Variants in FBRSL1 observed in about 807,000 individuals in gnomAD.
FBRSL1 encodes fibrosin-1-like protein.
In FBRSL1, 51 loss-of-function variants were observed where a neutral mutation model predicts 89.6. The observed-to-expected ratio is 0.57, with a 90% confidence interval of 0.45 to 0.72. The LOEUF (loss-of-function observed/expected upper bound fraction) is 0.72. Among genes scored for constraint, FBRSL1 ranks in the 30% least tolerant of loss-of-function variants. The probability of loss-of-function intolerance (pLI) is 0.00; values close to 1 mark genes in which losing one functional copy is unlikely to be tolerated. For synonymous variants in FBRSL1, 779 were observed against 681.1 expected (o/e 1.14, Z -2.24); for missense variants, 1,618 against 1,451.8 (o/e 1.11, Z -1.86).
intron 5 of FBRSL1, chr12:132,552,123 C>A (rs1366334850): frequency 1.6e-5 from 3 of 185,994 alleles, no homozygotes; most frequent in Non-Finnish European, 3.4e-5. Flanking sequence ...CAAAATGGGG[C>A]CACAGTGGGG....
chr12:132,569,865 G>A, intron 6 of FBRSL1, 61 bp from the exon 7 acceptor site: 2 of 1,271,036 alleles, frequency 1.6e-6, no homozygotes, highest in South Asian at 2.1e-5. Flanking sequence ...GGCTCCCTGG[G>A]CCACAGGAGG....
chr12:132,536,435 T>C (rs970089875), intron 4 of FBRSL1, among the ~76,000 whole-genome samples: 3 of 151,912 alleles, frequency 2.0e-5, no homozygotes, highest in African/African-American at 7.3e-5. Flanking sequence ...GTGCCATGTG[T>C]ACATGACTGT....
chr12:132,548,069 G>A, intron 5 of FBRSL1, 37 bp downstream of exon 5: 2 of 1,549,200 alleles, frequency 1.3e-6, no homozygotes, highest in Non-Finnish European at 1.7e-6. Flanking sequence ...TCGGCTGACA[G>A]CCCTGCCCTT....
chr12:132,539,619 C>T (rs1304022893), intron 4 of FBRSL1, among the ~76,000 whole-genome samples: 3 of 119,910 alleles, frequency 2.5e-5, no homozygotes, highest in African/African-American at 1.0e-4. Flanking sequence ...GCCCCGTGCC[C>T]GCCCAGTCCT....
chr12:132,574,858 G>A (rs1022619209), intron 14 of FBRSL1, among the ~76,000 whole-genome samples: 4 of 152,108 alleles, frequency 2.6e-5, no homozygotes, highest in Non-Finnish European at 5.9e-5. Flanking sequence ...AGCTCCCCAC[G>A]TCACTGGGGT....
Position 132,583,377 on chromosome 12 carries a change from CCCGCCCCGGGCT to C in FBRSL1, c.2614_2625del (p.Pro872_Ala875del). On this transcript the variant is annotated inframe_deletion, in exon 19 of 19. Transcript: ENST00000680143. The stretch of plus-strand genomic sequence containing the variant: ...ACGTCGCGCCTTCCCCGCTGCCGCC[CCCGCCCCGGGCT>C]CCGCCGCCCTCTTGGAGCCCCCGGA... 8.2e-6 allele frequency: 9 copies of C among 1,097,424 alleles called. No homozygotes were observed. Among genetic ancestry groups the C allele is most frequent in the Non-Finnish European group, 1.0e-5 (9 of 900,938 alleles). 68.0% of individuals were successfully genotyped at this position (1,097,424 alleles called of 1,614,324 possible).
Position 132,574,329 on chromosome 12 carries a change from C to T in FBRSL1, c.1610C>T (p.Pro537Leu), listed in dbSNP as rs778900600. The T allele has an allele frequency of 7.1e-6, 11 of 1,547,550 alleles. No homozygotes were observed. Among genetic ancestry groups the T allele is most frequent in the African/African-American group, 4.1e-5 (3 of 72,980 alleles). Residue 537 changes from proline to leucine, a missense_variant, in exon 13 of 19, where the codon CCG (proline) becomes CTG (leucine). Pro to Leu is a moderately conservative substitution (Grantham distance 98). Transcript: ENST00000680143. ...LLQKAPGVSD[P>L]YRAVVKKPGR... Reference sequence around the variant, plus strand: ...TTCCTGTCTCCACAGGTGTCTGACCCGTACCGGGCGGTGGTCAAGGTGAGC... The same window carrying T: ...TTCCTGTCTCCACAGGTGTCTGACCTGTACCGGGCGGTGGTCAAGGTGAGC...
intron 5 of FBRSL1, among the ~76,000 whole-genome samples, chr12:132,559,666 T>C (rs1188614951): frequency 6.6e-6 from 1 of 152,198 alleles, no homozygotes; most frequent in Non-Finnish European, 1.5e-5. Context: ...CCTCCCAAAG[T>C]GCTGTTTCAG....
chr12:132,528,012 C>T, intron 4 of FBRSL1, 24 bp downstream of exon 4: 1 of 1,550,484 alleles, frequency 6.4e-7, no homozygotes, highest in Non-Finnish European at 8.7e-7. Flanking sequence ...CACCCCTCCT[C>T]CATCTTTGTC....
Position 132,490,522 on chromosome 12 carries a change from C to T in FBRSL1, c.-49C>T, listed in dbSNP as rs1218776305. ...CCGAGGGAGCCCGCCTGCTGCGAGC[C>T]AGGCGCGGGGCGTCAAGGTCACCGG... On this transcript the variant is annotated 5_prime_UTR_variant, in exon 1 of 19. Coordinates refer to ENST00000680143, the MANE Select transcript of FBRSL1 (RefSeq NM_001367871.1). 2.0e-6 allele frequency: 2 copies of T among 976,064 alleles called. No individual in the cohort carries two copies. Among genetic ancestry groups the T allele is most frequent in the Non-Finnish European group, 2.4e-6 (2 of 824,444 alleles). 60.5% of individuals were successfully genotyped at this position (976,064 alleles called of 1,614,324 possible).
intron 5 of FBRSL1, chr12:132,551,325 G>A (rs2038137455): frequency 2.3e-6 from 1 of 443,866 alleles, no homozygotes; most frequent in African/African-American, 2.0e-5. Context: ...TGCTCACATG[G>A]CCTGGCTGCT....
At chr12:132,533,694 A>T (rs1418227103) in intron 4 of FBRSL1, among the ~76,000 whole-genome samples, 1 of 152,228 alleles carries the variant, frequency 6.6e-6, no homozygotes, top group Non-Finnish European at 1.5e-5. Context: ...CGTCCATGCC[A>T]CAGTGATCAT....
At position 132,525,814 on chromosome 12, in the gene FBRSL1, G is replaced by A. The variant is rs780532114; in HGVS notation, c.570G>A (p.Pro190=). The A allele has an allele frequency of 3.3e-4, 506 of 1,548,942 alleles. 1 individual carries two copies. Among genetic ancestry groups the A allele is most frequent in the Admixed American group, 1.1e-3 (55 of 50,962 alleles). Residue 190 remains proline (P), a synonymous_variant, in exon 3 of 19, where the codon CCG becomes CCA. Transcript: ENST00000680143. ...TCGAAGCCACCAGCTCCCGGGACCC[G>A]CTCAGCGATGTGAGTACCCAGCTGC... ...SVLEATSSRD[P]LSDSSAHAVS... is the part of the protein sequence containing the mutation.
At chr12:132,495,160 C>T (rs2031792443) in intron 1 of FBRSL1, among the ~76,000 whole-genome samples, 1 of 152,354 alleles carries the variant, frequency 6.6e-6, no homozygotes, top group Admixed American at 6.5e-5. Context: ...AGACACTGCC[C>T]TGCCCTGCAT....
chr12:132,545,547 C>G (rs2037619197), intron 4 of FBRSL1, among the ~76,000 whole-genome samples: 1 of 152,260 alleles, frequency 6.6e-6, no homozygotes, highest in African/African-American at 2.4e-5. Context: ...CTGTTGGATG[C>G]ATTAAACCCT....
intron 2 of FBRSL1, chr12:132,510,332 C>T: frequency 8.1e-7 from 1 of 1,230,856 alleles, no homozygotes; most frequent in Non-Finnish European, 1.0e-6. Context: ...CCCGTCAGCC[C>T]CGGCTCTCGC....
intron 2 of FBRSL1, among the ~76,000 whole-genome samples, chr12:132,524,438 C>T (rs2035615842): frequency 6.6e-6 from 1 of 152,230 alleles, no homozygotes; most frequent in Non-Finnish European, 1.5e-5. Flanking sequence ...TTGTGTGCAC[C>T]CTGTCAGCCA....
chr12:132,580,337 C>T (rs2040657209), intron 15 of FBRSL1, among the ~76,000 whole-genome samples: 1 of 152,204 alleles, frequency 6.6e-6, no homozygotes, highest in Admixed American at 6.5e-5. Flanking sequence ...ATCCTCCTGC[C>T]TCGGCCTCCC....
intron 1 of FBRSL1, among the ~76,000 whole-genome samples, chr12:132,497,368 AAGT>A (rs1201461308): frequency 7.9e-5 from 12 of 151,904 alleles, no homozygotes; most frequent in African/African-American, 2.4e-4. Context: ...AGGGCCCTCT[AAGT>A]AGGAGGACCA....
Sources: gnomAD v4.1 joint callset for allele counts (sites outside exome capture counted in the v4.1 genomes callset) on GRCh38, gnomAD v4.1.1 for gene constraint, MANE v1.5 for transcripts, NCBI Gene and HGNC (gene_info 2026-07-23, HGNC 2026-07-21) for gene names.